Variants in TMEM130 observed in about 807,000 individuals in gnomAD.
TMEM130 encodes the protein transmembrane protein 130.
TMEM130 carries 37 observed loss-of-function variants against 42.9 expected under a neutral mutation model. The ratio of observed to expected loss-of-function variants is 0.86; its 90% CI spans 0.66 to 1.13. The LOEUF (loss-of-function observed/expected upper bound fraction) is 1.13. Among genes scored for constraint, TMEM130 ranks in the 50% most tolerant of loss-of-function variants. The probability of loss-of-function intolerance (pLI) is 0.00; values close to 1 mark genes in which losing one functional copy is unlikely to be tolerated. For missense variants in TMEM130, 545 were observed against 562.6 expected (o/e 0.97, Z 0.32); for synonymous variants, 259 against 237.7 (o/e 1.09, Z -0.82).
Position 98,863,297 on chromosome 7 carries a change from C to T in TMEM130, c.189G>A (p.Leu63=). The T allele has an allele frequency of 6.2e-7, 1 of 1,613,322 alleles. No individual in the cohort carries two copies. The change falls in exon 2 of 8, where the codon CTG becomes CTA. Residue 63 remains leucine (L), a synonymous_variant. Transcript: ENST00000339375. ...AGCGGTAGAGGTGGGCGTCAGCGGG[C>T]AGGGCCAGGCTGCCGTTGTCCTTGG... is the stretch of plus-strand genomic sequence containing the variant. ...LVAKDNGSLA[L]PADAHLYRFH...
chr7:98,853,125 T>C (rs1262224111), intron 5 of TMEM130, among the ~76,000 whole-genome samples: 1 of 152,156 alleles, frequency 6.6e-6, no homozygotes, highest in African/African-American at 2.4e-5. Context: ...GGAAAAGCCA[T>C]GCACTCATGC....
intron 1 of TMEM130, 80 bp from the exon 2 acceptor site, chr7:98,863,480 AC>A: frequency 7.4e-7 from 1 of 1,356,184 alleles, no homozygotes; most frequent in Non-Finnish European, 9.8e-7. Context: ...GCTGGCATCA[AC>A]TATTCTATTT....
At chr7:98,857,177 C>A (rs1001717114) in intron 3 of TMEM130, among the ~76,000 whole-genome samples, 1 of 152,170 alleles carries the variant, frequency 6.6e-6, no homozygotes, top group Non-Finnish European at 1.5e-5. Context: ...ACCCTCTTGG[C>A]CTCTCAAAGC....
chr7:98,869,418 G>A lies in TMEM130; in HGVS notation c.85+359C>T, dbSNP rs1794977773. ...AATTGTGGCGCGATGACGGACCCTG[G>A]CGCATCCCCGCCTCCCTGCCTCGTC... On this transcript the variant is annotated intron_variant, in intron 1 of 7. Transcript: ENST00000339375. The surrounding 1 kb of genome is among the most constrained non-coding windows in gnomAD (Gnocchi z 4.7). The A allele has an allele frequency of 8.3e-7, 1 of 1,206,164 alleles. No individual in the cohort carries two copies. The highest frequency in any genetic ancestry group is 1.6e-5 in the African/African-American group (1 of 61,968). 74.7% of individuals were successfully genotyped at this position (1,206,164 alleles called of 1,614,324 possible).
At chr7:98,854,625 C>T (rs1177449999) in intron 5 of TMEM130, among the ~76,000 whole-genome samples, 2 of 152,144 alleles carry the variant, frequency 1.3e-5, no homozygotes, top group Non-Finnish European at 2.9e-5. Context: ...TAGTTCCAGC[C>T]ACCCAGGAGG....
Position 98,869,984 on chromosome 7 carries a change from G to A in TMEM130, c.-123C>T, listed in dbSNP as rs1423788759. On this transcript the variant is annotated 5_prime_UTR_variant, in exon 1 of 8. It adds an upstream start codon to the 5' untranslated region. Transcript: ENST00000339375. The surrounding 1 kb of genome is among the most constrained non-coding windows in gnomAD (Gnocchi z 4.7). ...GGCGGTGCGGGGAGGTGCGGGCGCC[G>A]TGCTCGCTCGTCCTCGCCGGGGGAC... 8.9e-6 allele frequency: 5 copies of A among 560,314 alleles called. No homozygotes were observed. Among genetic ancestry groups the A allele is most frequent in the Non-Finnish European group, 1.1e-5 (4 of 380,286 alleles). The allele number at this position is 560,314 out of a possible 1,614,324, so 34.7% of individuals were successfully genotyped here.
chr7:98,855,806 C>A (rs548357668), intron 4 of TMEM130, among the ~76,000 whole-genome samples: 19 of 152,318 alleles, frequency 1.2e-4, no homozygotes, highest in African/African-American at 4.6e-4. Flanking sequence ...CAGCCCGGGG[C>A]ACAAGGGCCG....
intron 6 of TMEM130, among the ~76,000 whole-genome samples, chr7:98,850,273 A>ATTTTTTTTTTT (rs1554398023): frequency 2.0e-4 from 7 of 35,468 alleles, no homozygotes; most frequent in African/African-American, 5.3e-4. Flanking sequence ...ATATATATAT[A>ATTTTTTTTTTT]TTTTTTTTTT....
rs1554400119 is a variant in TMEM130 at position 98,863,217 on chromosome 7, C to A, written c.269G>T (p.Ser90Ile). The change falls in exon 2 of 8, where the codon AGC (serine) becomes ATC (isoleucine). Residue 90 changes from serine to isoleucine, a missense_variant. By Grantham distance (142) the Ser-to-Ile change is moderately radical (BLOSUM62 -2). Coordinates refer to ENST00000339375, the MANE Select transcript of TMEM130 (RefSeq NM_152913.3). Reference sequence around the variant, plus strand: ...GTGGCCGACCACACGGATGGTGGAGCTGAGACCCTTCTCCATCTTGCCAGT... The same window carrying A: ...GTGGCCGACCACACGGATGGTGGAGATGAGACCCTTCTCCATCTTGCCAGT... ...VLTGKMEKGL[S>I]STIRVVGHVP... is the part of the protein sequence containing the mutation. The A allele has an allele frequency of 1.2e-6, 2 of 1,614,126 alleles. No individual in the cohort carries two copies. The highest frequency in any genetic ancestry group is 1.1e-5 in the South Asian group (1 of 91,086).
intron 1 of TMEM130, chr7:98,865,924 TCCCCCCACAAGTC>T: frequency 5.8e-6 from 1 of 171,944 alleles, no homozygotes; most frequent in Non-Finnish European, 1.2e-5. Flanking sequence ...GGGCACAAGG[TCCCCCCACAAGTC>T]CCCCCAGGAA....
intron 5 of TMEM130, among the ~76,000 whole-genome samples, chr7:98,853,132 A>G (rs986647193): frequency 1.3e-4 from 20 of 152,180 alleles, no homozygotes; most frequent in African/African-American, 4.8e-5. Flanking sequence ...CCATGCACTC[A>G]TGCCACCTCA....
chr7:98,861,299 C>T (rs1794766222), intron 2 of TMEM130, among the ~76,000 whole-genome samples: 1 of 151,944 alleles, frequency 6.6e-6, no homozygotes, highest in Non-Finnish European at 1.5e-5. Flanking sequence ...GATCGCGCCA[C>T]TGCACTCCAG....
At position 98,864,814 on chromosome 7, in the gene TMEM130, C is replaced by T. The variant is rs1437219508; in HGVS notation, c.86-1414G>A. On this transcript the variant is annotated intron_variant, in intron 1 of 7. Coordinates refer to ENST00000339375, the MANE Select transcript of TMEM130 (RefSeq NM_152913.3). ...ACTCAGGAGGCTGAGGCAGGGGAAT[C>T]GCTGGAACCCAAGAGGCAGAGATTG... 3.9e-5 allele frequency among the ~76,000 whole-genome samples: 6 copies of T among 152,206 alleles called. No individual in the cohort carries two copies. In the South Asian group the frequency reaches 8.3e-4, roughly 21 times the overall value.
intron 5 of TMEM130, among the ~76,000 whole-genome samples, chr7:98,853,976 G>A (rs915551691): frequency 1.3e-5 from 2 of 152,044 alleles, no homozygotes; most frequent in African/African-American, 4.8e-5. Flanking sequence ...GCCTGCTGGT[G>A]CAAGCTCCCC....
At position 98,865,378 on chromosome 7, in the gene TMEM130, C is replaced by T. The variant is rs1201853928; in HGVS notation, c.86-1978G>A. The stretch of plus-strand genomic sequence containing the variant: ...ATTCCAGCACTTTGGGAGGCCGAGG[C>T]GGGCGGATCACCTGAGGTCAGGAGT... On this transcript the variant is annotated intron_variant, in intron 1 of 7. Coordinates refer to ENST00000339375, the MANE Select transcript of TMEM130 (RefSeq NM_152913.3). 5.3e-5 allele frequency among the ~76,000 whole-genome samples: 8 copies of T among 152,176 alleles called. No individual in the cohort carries two copies. In the East Asian group the frequency reaches 1.5e-3, roughly 29 times the overall value.
intron 3 of TMEM130, 138 bp from the exon 4 acceptor site, chr7:98,856,321 C>G: frequency 2.5e-6 from 2 of 816,204 alleles, no homozygotes; most frequent in Non-Finnish European, 3.8e-6. Context: ...AGTGAGCACA[C>G]CTGTCATCAC....
rs1368330699 is a variant in TMEM130, at chr7:98,870,013, C to G, written c.-152G>C. The G allele has an allele frequency of 3.1e-5, 12 of 391,288 alleles. No homozygotes were observed. Among genetic ancestry groups the G allele is most frequent in the South Asian group, 2.4e-4 (2 of 8,416 alleles). 24.2% of individuals were successfully genotyped at this position (391,288 alleles called of 1,614,324 possible). On this transcript the variant is annotated 5_prime_UTR_variant, in exon 1 of 8. Coordinates refer to ENST00000339375, the MANE Select transcript of TMEM130 (RefSeq NM_152913.3). The stretch of plus-strand genomic sequence containing the variant: ...TCGCTCGTCCTCGCCGGGGGACGCT[C>G]TGTCGCTGCGCGCCGCCGCCGCCGC...
chr7:98,858,311 C>T (rs1264509551), intron 3 of TMEM130, among the ~76,000 whole-genome samples: 5 of 151,846 alleles, frequency 3.3e-5, no homozygotes, highest in Non-Finnish European at 7.4e-5. Flanking sequence ...GAGGCTGAGG[C>T]GGGAGGATGG....
At chr7:98,849,318 G>GC (rs1440589740) in intron 6 of TMEM130, among the ~76,000 whole-genome samples, 2 of 152,192 alleles carry the variant, frequency 1.3e-5, no homozygotes, top group East Asian at 3.8e-4. Context: ...CTAAGGAGAT[G>GC]CAACAAGAAG....
Sources: allele counts gnomAD v4.1 joint callset (sites outside exome capture counted in the v4.1 genomes callset), GRCh38; gene constraint gnomAD v4.1.1; non-coding constraint Gnocchi (gnomAD v3.1); transcripts MANE v1.5; gene names NCBI Gene and HGNC (gene_info 2026-07-23, HGNC 2026-07-21).